The following SPIRE1 variants were observed in gnomAD, a reference collection of about 807,000 sequenced individuals.
SPIRE1 encodes protein spire homolog 1.
In SPIRE1, 40 loss-of-function variants were observed where a neutral mutation model predicts 94.1. The observed-to-expected ratio is 0.43, with a 90% CI of 0.33 to 0.55. The LOEUF is 0.55. Among genes scored for constraint, SPIRE1 ranks in the 20% least tolerant of loss-of-function variants. SPIRE1 has a pLI of 0.06. For synonymous variants in SPIRE1, 376 were observed against 371.7 expected (o/e 1.01, Z -0.13); for missense variants, 838 against 975.2 (o/e 0.86, Z 1.87).
intron 2 of SPIRE1, among the ~76,000 whole-genome samples, chr18:12,626,837 T>C (rs780386439): frequency 1.6e-4 from 23 of 148,374 alleles, no homozygotes; most frequent in Non-Finnish European, 2.7e-4. Context: ...TTAATGTCTA[T>C]AACAGTACTT....
intron 2 of SPIRE1, among the ~76,000 whole-genome samples, chr18:12,628,394 T>C (rs1051537984): frequency 2.0e-5 from 3 of 152,152 alleles, no homozygotes; most frequent in Middle Eastern, 3.2e-3. Flanking sequence ...CTCTGTTCTG[T>C]TCCATTGGTC....
At chr18:12,657,290 G>C (rs2038572540) in intron 1 of SPIRE1, among the ~76,000 whole-genome samples, 2 of 151,574 alleles carry the variant, frequency 1.3e-5, no homozygotes, top group Non-Finnish European at 1.5e-5. Flanking sequence ...CCACCCAAAC[G>C]TCCTCCGCAC....
intron 7 of SPIRE1, among the ~76,000 whole-genome samples, chr18:12,494,298 T>C (rs1467999892): frequency 6.6e-6 from 1 of 152,126 alleles, no homozygotes; most frequent in East Asian, 1.9e-4. Context: ...ATCTTCATTT[T>C]ATAATTGAGG....
At chr18:12,459,927 A>G (rs1598889425) in intron 12 of SPIRE1, 1 of 985,838 alleles carries the variant, frequency 1.0e-6, no homozygotes, top group Non-Finnish European at 1.2e-6. Flanking sequence ...TATCCTAGGA[A>G]CCTGAACAAC....
chr18:12,483,618 T>C (rs998256858), intron 9 of SPIRE1, among the ~76,000 whole-genome samples: 5 of 152,180 alleles, frequency 3.3e-5, no homozygotes, highest in East Asian at 1.9e-4. Context: ...ATACTTACCA[T>C]AAGTGATGTT....
Position 12,559,112 on chromosome 18 carries a change from C to T in SPIRE1, c.373-12208G>A, listed in dbSNP as rs112632628. Among the ~76,000 whole-genome samples the T allele has an allele frequency of 1.3e-5, 2 of 150,612 alleles. No homozygotes were observed. The highest frequency in any genetic ancestry group is 4.8e-5 in the African/African-American group (2 of 41,328). On this transcript the variant is annotated intron_variant, in intron 2 of 16. Coordinates refer to ENST00000409402, the MANE Select transcript of SPIRE1 (RefSeq NM_001128626.2). The surrounding 1 kb of genome is among the most constrained non-coding windows in gnomAD (Gnocchi z 4.7). ...CTCAGCCCTTGGGCGGTAGATGGGA[C>T]CAGGCACCTTGGAGCAGGGGGAGGC...
chr18:12,506,719 A>T (rs1192417913), intron 5 of SPIRE1, 78 bp from the exon 6 acceptor site: 1 of 1,342,024 alleles, frequency 7.5e-7, no homozygotes, highest in Non-Finnish European at 1.0e-6. Context: ...TACAGAATAA[A>T]TGAAGAGCTT....
intron 16 of SPIRE1, chr18:12,451,060 G>A: frequency 7.1e-6 from 3 of 423,904 alleles, no homozygotes; most frequent in South Asian, 2.7e-5. Context: ...ATGAATAAGA[G>A]ACTGTCCATT....
chr18:12,537,463 T>C (rs1265954399), intron 3 of SPIRE1, among the ~76,000 whole-genome samples: 2 of 152,242 alleles, frequency 1.3e-5, no homozygotes, highest in Non-Finnish European at 1.5e-5. Flanking sequence ...GTGCCTATTA[T>C]ACATACAAAA....
chr18:12,656,793 A>T (rs2038550006), intron 1 of SPIRE1: 3 of 504,532 alleles, frequency 5.9e-6, no homozygotes, highest in Non-Finnish European at 5.1e-6. Flanking sequence ...TTAGACAATG[A>T]CGTAACTAAG....
intron 1 of SPIRE1, among the ~76,000 whole-genome samples, chr18:12,638,592 T>C (rs2037999795): frequency 6.6e-6 from 1 of 152,134 alleles, no homozygotes; most frequent in African/African-American, 2.4e-5. Flanking sequence ...TTGGTGTGGT[T>C]TTCTTATTCT....
chr18:12,658,500 C>T, upstream of SPIRE1: 1 of 455,936 alleles, frequency 2.2e-6, no homozygotes, highest in Admixed American at 2.4e-5. Flanking sequence ...CCGACTCTGG[C>T]GGGGAACTGG....
chr18:12,557,487 G>T (rs910947776), intron 2 of SPIRE1, among the ~76,000 whole-genome samples: 2 of 151,960 alleles, frequency 1.3e-5, no homozygotes, highest in African/African-American at 4.8e-5. Context: ...GCTGGCCCGC[G>T]AGCGCCTGGC....
chr18:12,607,983 C>T (rs1342654745), intron 2 of SPIRE1, among the ~76,000 whole-genome samples: 3 of 152,002 alleles, frequency 2.0e-5, no homozygotes, highest in African/African-American at 7.2e-5. Flanking sequence ...GGTGAAACCC[C>T]GTCTCTACTA....
At chr18:12,475,841 C>T (rs1276868209) in intron 10 of SPIRE1, among the ~76,000 whole-genome samples, 1 of 152,216 alleles carries the variant, frequency 6.6e-6, no homozygotes, top group Non-Finnish European at 1.5e-5. Context: ...ACGCTGATGG[C>T]CAGCAAGATC....
intron 2 of SPIRE1, among the ~76,000 whole-genome samples, chr18:12,558,993 C>A (rs995369703): frequency 3.9e-5 from 6 of 152,198 alleles, no homozygotes; most frequent in African/African-American, 1.4e-4. Flanking sequence ...AAGACCCTAC[C>A]CAACTCAGGA....
chr18:12,611,603 T>C (rs546283619), intron 2 of SPIRE1, among the ~76,000 whole-genome samples: 32 of 152,352 alleles, frequency 2.1e-4, no homozygotes, highest in Non-Finnish European at 4.7e-4. Context: ...CATTCCTGAA[T>C]TCCTGACACA....
At chr18:12,630,610 G>C (rs1598558595) in intron 2 of SPIRE1, among the ~76,000 whole-genome samples, 1 of 152,214 alleles carries the variant, frequency 6.6e-6, no homozygotes. Context: ...AGTGAGCTGA[G>C]ATCATGCCAC....
intron 2 of SPIRE1, among the ~76,000 whole-genome samples, chr18:12,575,869 C>T (rs767676135): frequency 6.6e-6 from 1 of 152,166 alleles, no homozygotes; most frequent in Non-Finnish European, 1.5e-5. Flanking sequence ...ATCTTAAAAT[C>T]CTAGTTAAGA....
Sources: allele counts gnomAD v4.1 joint callset (sites outside exome capture counted in the v4.1 genomes callset), GRCh38; gene constraint gnomAD v4.1.1; non-coding constraint Gnocchi (gnomAD v3.1); transcripts MANE v1.5; gene names NCBI Gene and HGNC (gene_info 2026-07-23, HGNC 2026-07-21).